Variants in AFAP1L1 observed in about 807,000 individuals in gnomAD.
AFAP1L1 encodes the protein actin filament associated protein 1 like 1, also known as actin filament-associated protein 1-like 1.
AFAP1L1 carries 77 observed loss-of-function variants against 99.8 expected under a neutral mutation model. The ratio of observed to expected loss-of-function variants is 0.77; its 90% CI spans 0.64 to 0.93. The LOEUF (loss-of-function observed/expected upper bound fraction) is 0.93, where lower values mean the gene tolerates loss of function less well. Among genes scored for constraint, AFAP1L1 ranks in the 40% least tolerant of loss-of-function variants. The probability of loss-of-function intolerance (pLI) is 0.00; values close to 1 mark genes in which losing one functional copy is unlikely to be tolerated. For synonymous variants in AFAP1L1, 373 were observed against 395.3 expected (o/e 0.94, Z 0.67); for missense variants, 893 against 996.8 (o/e 0.90, Z 1.40).
In AFAP1L1 at chr5:149,335,723, G is replaced by T. The variant is rs1757390625; in HGVS notation, c.2283+1G>T. ...AGGAAGGGTGCTACAGAAAGCCAAG[G>T]TAGAGCCATAGTTCTGCTCCTCAAA... On this transcript the variant is annotated splice_donor_variant, in intron 18 of 18. Transcript: ENST00000296721. LOFTEE classifies it high-confidence loss of function. The T allele has an allele frequency of 1.2e-6, 2 of 1,613,828 alleles. No homozygotes were observed. The highest frequency in any genetic ancestry group is 1.7e-6 in the Non-Finnish European group (2 of 1,179,902).
intron 3 of AFAP1L1, among the ~76,000 whole-genome samples, chr5:149,300,602 ATTAGGG>A (rs930207580): frequency 3.0e-4 from 45 of 152,346 alleles, no homozygotes; most frequent in Non-Finnish European, 5.0e-4. Context: ...GGCATGGCAC[ATTAGGG>A]TGTTTCCTCA....
At chr5:149,277,756 T>C (rs1755383901) in intron 1 of AFAP1L1, among the ~76,000 whole-genome samples, 1 of 152,254 alleles carries the variant, frequency 6.6e-6, no homozygotes, top group Admixed American at 6.5e-5. Flanking sequence ...AGTCACTTTT[T>C]CTGACCCTTC....
Position 149,328,924 on chromosome 5 carries a change from A to G in AFAP1L1, c.1811-742A>G, listed in dbSNP as rs76522983. The stretch of plus-strand genomic sequence containing the variant: ...ATAATAAATAATTTTTGCCATAATT[A>G]TTTGTTTTTATTGTCCATCATAGTG... On this transcript the variant is annotated intron_variant, in intron 15 of 18. Coordinates refer to ENST00000296721, the MANE Select transcript of AFAP1L1 (RefSeq NM_152406.4). 8.0e-3 allele frequency among the ~76,000 whole-genome samples: 1,223 copies of G among 152,240 alleles called. 13 individuals carry two copies. The highest frequency in any genetic ancestry group is 0.028 in the African/African-American group (1,162 of 41,544).
At chr5:149,313,911 G>A (rs76300415) in intron 9 of AFAP1L1, among the ~76,000 whole-genome samples, 1,625 of 152,322 alleles carry the variant, frequency 0.011, 15 homozygotes, top group African/African-American at 0.022. Context: ...GGAGCAGGAA[G>A]AAGCATGGAA....
At chr5:149,332,446 C>CA (rs1304668646) in intron 16 of AFAP1L1, among the ~76,000 whole-genome samples, 1 of 152,102 alleles carries the variant, frequency 6.6e-6, no homozygotes, top group Non-Finnish European at 1.5e-5. Flanking sequence ...AACGAAAACT[C>CA]AGAGTGCTAT....
chr5:149,310,248 G>A, intron 8 of AFAP1L1, 113 bp downstream of exon 8: 1 of 1,324,672 alleles, frequency 7.5e-7, no homozygotes, highest in East Asian at 2.6e-5. Flanking sequence ...CAGTGCCTGA[G>A]CCCAAGTGCC....
chr5:149,306,030 T>C (rs1268943205), intron 5 of AFAP1L1, among the ~76,000 whole-genome samples: 1 of 152,172 alleles, frequency 6.6e-6, no homozygotes, highest in Admixed American at 6.5e-5. Context: ...TGAGAAGTCC[T>C]CTGGTAGAAG....
At chr5:149,309,035 TG>T (rs1274321764) in intron 7 of AFAP1L1, among the ~76,000 whole-genome samples, 1 of 152,126 alleles carries the variant, frequency 6.6e-6, no homozygotes, top group Non-Finnish European at 1.5e-5. Context: ...TGCTTGAGCC[TG>T]GGAGTTTGAA....
intron 12 of AFAP1L1, among the ~76,000 whole-genome samples, chr5:149,319,285 T>G (rs1030307536): frequency 1.3e-5 from 2 of 152,166 alleles, no homozygotes; most frequent in African/African-American, 4.8e-5. Flanking sequence ...GGTTTTATAT[T>G]CTAATGGTTG....
Position 149,342,075 on chromosome 5 carries a change from C to G in AFAP1L1, c.*2045C>G, listed in dbSNP as rs1182273073. ...ACTGTGTCAGCCATGGCCAGCTTCA[C>G]AGGCATGCAACCTGTGCAGTCACAC... On this transcript the variant is annotated 3_prime_UTR_variant, in exon 19 of 19. Transcript: ENST00000296721. 6.6e-6 allele frequency among the ~76,000 whole-genome samples: 1 copy of G among 152,228 alleles called. No homozygotes were observed. The highest frequency in any genetic ancestry group is 1.5e-5 in the Non-Finnish European group (1 of 68,040).
chr5:149,303,196 T>C (rs1411482330), intron 5 of AFAP1L1, among the ~76,000 whole-genome samples: 1 of 152,146 alleles, frequency 6.6e-6, no homozygotes. Flanking sequence ...TATATACATA[T>C]ATAACATAGA....
chr5:149,285,043 C>T lies in AFAP1L1; in HGVS notation c.16+13059C>T, dbSNP rs527704354. On this transcript the variant is annotated intron_variant, in intron 1 of 18. Coordinates refer to ENST00000296721, the MANE Select transcript of AFAP1L1 (RefSeq NM_152406.4). ...ATCCATTTCCATGACTTTTGATCAA[C>T]GTTTTCTTGGATCCTCAACCCCAAT... Among the ~76,000 whole-genome samples the T allele has an allele frequency of 3.3e-5, 5 of 152,290 alleles. No individual in the cohort carries two copies. The East Asian group carries it at 5.8e-4, about 18-fold the overall frequency.
intron 4 of AFAP1L1, 115 bp from the exon 5 acceptor site, chr5:149,302,303 T>C: frequency 1.5e-6 from 1 of 648,038 alleles, no homozygotes; most frequent in Non-Finnish European, 2.6e-6. Context: ...ATAAAAGGTA[T>C]GGCTTCACAT....
intron 16 of AFAP1L1, among the ~76,000 whole-genome samples, chr5:149,331,252 C>T (rs1343296251): frequency 6.6e-6 from 1 of 151,906 alleles, no homozygotes; most frequent in African/African-American, 2.4e-5. Context: ...GCCTGAGCAA[C>T]ATAATGAGAC....
intron 8 of AFAP1L1, among the ~76,000 whole-genome samples, 196 bp from the exon 9 acceptor site, chr5:149,311,916 C>T (rs1756641081): frequency 6.6e-6 from 1 of 152,202 alleles, no homozygotes; most frequent in South Asian, 2.1e-4. Context: ...ATCTTTTCAG[C>T]CCAGGGGACA....
At chr5:149,295,877 T>G (rs1368860808) in intron 1 of AFAP1L1, among the ~76,000 whole-genome samples, 1 of 152,188 alleles carries the variant, frequency 6.6e-6, no homozygotes, top group Non-Finnish European at 1.5e-5. Flanking sequence ...AAGCTTACAG[T>G]GGAGTTTTCC....
intron 2 of AFAP1L1, 66 bp from the exon 3 acceptor site, chr5:149,300,205 G>A (rs778276172): frequency 6.9e-6 from 8 of 1,167,290 alleles, no homozygotes; most frequent in Non-Finnish European, 9.9e-6. Context: ...CTAGAAGTAT[G>A]AGTGGGACGG....
At chr5:149,300,401 C>T (rs769289655) in intron 3 of AFAP1L1, 47 bp downstream of exon 3, 12 of 1,542,296 alleles carry the variant, frequency 7.8e-6, no homozygotes, top group Non-Finnish European at 1.1e-5. Context: ...TCCCTCTTTC[C>T]CTGTGTATGC....
intron 17 of AFAP1L1, among the ~76,000 whole-genome samples, chr5:149,334,890 A>AGAAAGAAAG (rs1561687655): frequency 1.3e-5 from 2 of 152,042 alleles, no homozygotes; most frequent in African/African-American, 4.8e-5. Context: ...CAAAAAAAAA[A>AGAAAGAAAG]GAAAGAAAGG....
Sources: gnomAD v4.1 joint callset for allele counts (sites outside exome capture counted in the v4.1 genomes callset) on GRCh38, gnomAD v4.1.1 for gene constraint, MANE v1.5 for transcripts, NCBI Gene and HGNC (gene_info 2026-07-23, HGNC 2026-07-21) for gene names.